AMPH: variants seen among roughly 807,000 people sequenced by gnomAD.
AMPH encodes the protein amphiphysin (Stiff-Mann syndrome with breast cancer 128kD autoantigen).
In AMPH, 49 loss-of-function variants were observed where a neutral mutation model predicts 99.1. The observed-to-expected ratio is 0.49, with a 90% CI of 0.39 to 0.63. The LOEUF (loss-of-function observed/expected upper bound fraction) is 0.63, where lower values mean the gene tolerates loss of function less well. AMPH is among the 20% of genes least tolerant of loss of function. The pLI is 0.00. For missense variants in AMPH, 759 were observed against 863.4 expected, an observed-to-expected ratio of 0.88 and a Z score of 1.52; for synonymous variants, 314 against 317.3, an observed-to-expected ratio of 0.99 and a Z score of 0.11.
chr7:38,553,867 A>G lies in AMPH; in HGVS notation c.70-18856T>C, dbSNP rs370074182. Among the ~76,000 whole-genome samples the G allele has an allele frequency of 3.3e-5, 5 of 152,228 alleles. No homozygotes were observed. In the East Asian group the frequency reaches 7.7e-4, roughly 23 times the overall value. On this transcript the variant is annotated intron_variant, in intron 1 of 20. Coordinates refer to ENST00000356264, the MANE Select transcript of AMPH (RefSeq NM_001635.4). ...AAAGAGTTTGGTTTTGGCTACAGATAAAAAAGACAGATCATTTCCTGGTTT... is the reference window on the plus strand; with the variant it reads ...AAAGAGTTTGGTTTTGGCTACAGATGAAAAAGACAGATCATTTCCTGGTTT...
chr7:38,510,418 A>G (rs1789493537), intron 2 of AMPH, among the ~76,000 whole-genome samples: 1 of 152,144 alleles, frequency 6.6e-6, no homozygotes, highest in Admixed American at 6.5e-5. Flanking sequence ...CTCTGAGGAG[A>G]ACACAATTCA....
At chr7:38,513,416 G>C (rs1789617321) in intron 2 of AMPH, among the ~76,000 whole-genome samples, 1 of 152,158 alleles carries the variant, frequency 6.6e-6, no homozygotes, top group Non-Finnish European at 1.5e-5. Flanking sequence ...AGCTGAAAAT[G>C]GGATTGTGGA....
intron 15 of AMPH, among the ~76,000 whole-genome samples, chr7:38,426,441 C>A (rs1320765828): frequency 1.3e-5 from 2 of 152,256 alleles, no homozygotes; most frequent in Admixed American, 6.5e-5. Context: ...CTTCCAACAG[C>A]TCCTTCCTGG....
Position 38,507,796 on chromosome 7 carries a change from T to C in AMPH, c.151-4092A>G, listed in dbSNP as rs1315968252. Among the ~76,000 whole-genome samples the C allele has an allele frequency of 8.5e-5, 13 of 152,336 alleles. No homozygotes were observed. The South Asian group carries it at 2.1e-3, about 24-fold the overall frequency. ...AAGACATCAGGAAATTATTGTTCTA[T>C]GTCCTGGTCACAGGGATCATGGCAA... On this transcript the variant is annotated intron_variant, in intron 2 of 20. Transcript: ENST00000356264.
intron 11 of AMPH, among the ~76,000 whole-genome samples, chr7:38,460,719 G>A (rs1048046533): frequency 6.6e-6 from 1 of 152,136 alleles, no homozygotes; most frequent in Non-Finnish European, 1.5e-5. Context: ...GGTGGAAGGA[G>A]GAGATAAAGA....
intron 1 of AMPH, among the ~76,000 whole-genome samples, chr7:38,600,452 G>C (rs958089049): frequency 6.6e-6 from 1 of 151,966 alleles, no homozygotes; most frequent in Non-Finnish European, 1.5e-5. Flanking sequence ...TGATGTTCTC[G>C]TAAGATTAAT....
At chr7:38,464,961 A>T (rs1325530817) in intron 9 of AMPH, among the ~76,000 whole-genome samples, 2 of 152,188 alleles carry the variant, frequency 1.3e-5, no homozygotes, top group Non-Finnish European at 2.9e-5. Flanking sequence ...ACGTGCAATA[A>T]AACAAAAACA....
At chr7:38,435,800 T>A (rs1414235912) in intron 12 of AMPH, among the ~76,000 whole-genome samples, 1 of 152,146 alleles carries the variant, frequency 6.6e-6, no homozygotes, top group African/African-American at 2.4e-5. Context: ...CACAGCATCA[T>A]CAAGTTCAGA....
At chr7:38,429,173 G>A in intron 14 of AMPH, 2 of 1,289,826 alleles carry the variant, frequency 1.6e-6, no homozygotes, top group Non-Finnish European at 2.0e-6. Context: ...CTGTGTCCAT[G>A]GCTGGCATGT....
At chr7:38,560,734 T>C (rs1327667686) in intron 1 of AMPH, among the ~76,000 whole-genome samples, 1 of 152,220 alleles carries the variant, frequency 6.6e-6, no homozygotes, top group Non-Finnish European at 1.5e-5. Flanking sequence ...CAGTTTTGAA[T>C]TGAGTACCAC....
intron 1 of AMPH, among the ~76,000 whole-genome samples, chr7:38,551,807 A>G (rs1333748725): frequency 2.6e-5 from 4 of 152,218 alleles, no homozygotes; most frequent in Non-Finnish European, 5.9e-5. Context: ...ATGAAATGTT[A>G]AGCAACAAAC....
intron 1 of AMPH, among the ~76,000 whole-genome samples, chr7:38,592,030 G>T (rs1792875033): frequency 7.0e-6 from 1 of 143,256 alleles, no homozygotes; most frequent in African/African-American, 2.5e-5. Flanking sequence ...TTTACAGTAA[G>T]CCAGTGATAA....
chr7:38,404,702 T>C (rs1165781114), intron 17 of AMPH, among the ~76,000 whole-genome samples: 1 of 152,022 alleles, frequency 6.6e-6, no homozygotes, highest in Admixed American at 6.5e-5. Context: ...TGAGAAAGAA[T>C]CAGCAGAAGA....
chr7:38,406,510 G>T (rs1178462335), intron 17 of AMPH, among the ~76,000 whole-genome samples: 1 of 152,094 alleles, frequency 6.6e-6, no homozygotes, highest in Non-Finnish European at 1.5e-5. Flanking sequence ...TGGATTGAGG[G>T]ATGCCTAGAT....
At chr7:38,557,197 A>AT (rs1660349843) in intron 1 of AMPH, among the ~76,000 whole-genome samples, 1 of 152,206 alleles carries the variant, frequency 6.6e-6, no homozygotes, top group Admixed American at 6.5e-5. Context: ...CCACTCATTC[A>AT]TCCCACAACT....
intron 17 of AMPH, among the ~76,000 whole-genome samples, chr7:38,400,825 T>C (rs916839187): frequency 2.0e-5 from 3 of 152,256 alleles, no homozygotes; most frequent in Non-Finnish European, 2.9e-5. Flanking sequence ...CAATTGAAGA[T>C]ACTTTCATTA....
Position 38,563,848 on chromosome 7 carries a change from C to T in AMPH, c.70-28837G>A, listed in dbSNP as rs79553878. 2.6e-3 allele frequency among the ~76,000 whole-genome samples: 400 copies of T among 152,188 alleles called. 8 individuals are homozygous for T. The East Asian group carries it at 0.07, about 26-fold the overall frequency. ...CATATTTTCTTATGTTCTTTTACTGCGATTACTTATTTATTTTTACACTTC... is the reference window on the plus strand; with the variant it reads ...CATATTTTCTTATGTTCTTTTACTGTGATTACTTATTTATTTTTACACTTC... On this transcript the variant is annotated intron_variant, in intron 1 of 20. Transcript: ENST00000356264.
At chr7:38,441,713 G>A (rs897936985) in intron 11 of AMPH, among the ~76,000 whole-genome samples, 1 of 130,354 alleles carries the variant, frequency 7.7e-6, no homozygotes, top group Non-Finnish European at 1.6e-5. Flanking sequence ...ATCAATGAAG[G>A]CCTGGATAAA....
At chr7:38,595,734 T>A (rs1370220668) in intron 1 of AMPH, among the ~76,000 whole-genome samples, 1 of 152,174 alleles carries the variant, frequency 6.6e-6, no homozygotes, top group Non-Finnish European at 1.5e-5. Context: ...CCACCTCTAG[T>A]AGTTCCCAGC....
Sources: allele counts gnomAD v4.1 joint callset (sites outside exome capture counted in the v4.1 genomes callset), GRCh38; gene constraint gnomAD v4.1.1; transcripts MANE v1.5; gene names NCBI Gene and HGNC (gene_info 2026-07-23, HGNC 2026-07-21).